Variants in BTBD9 observed in about 807,000 individuals in gnomAD.
The protein encoded by BTBD9 is BTB/POZ domain-containing protein 9.
Under a neutral mutation model 64.3 loss-of-function variants are expected in BTBD9, and 49 were observed. The observed-to-expected ratio is 0.76, with a 90% CI of 0.61 to 0.97. The LOEUF (loss-of-function observed/expected upper bound fraction) is 0.97, where lower values mean the gene tolerates loss of function less well. BTBD9 is among the 50% of genes least tolerant of loss of function. The probability of loss-of-function intolerance (pLI) is 0.00; values close to 1 mark genes in which losing one functional copy is unlikely to be tolerated. For synonymous variants in BTBD9, 260 were observed against 274.7 expected (o/e 0.95, Z 0.53); for missense variants, 598 against 762.1 (o/e 0.78, Z 2.53).
chr6:38,283,164 T>C (rs531130973), intron 8 of BTBD9, among the ~76,000 whole-genome samples: 4 of 152,358 alleles, frequency 2.6e-5, no homozygotes, highest in Non-Finnish European at 4.4e-5. Context: ...AGACAGCCAC[T>C]GACCATGCTT....
intron 6 of BTBD9, among the ~76,000 whole-genome samples, chr6:38,401,167 C>T (rs1178516867): frequency 6.6e-6 from 1 of 152,164 alleles, no homozygotes; most frequent in Non-Finnish European, 1.5e-5. Flanking sequence ...GTGACTGGGT[C>T]ATGGGGACTG....
At chr6:38,614,268 C>T (rs1405298714) in intron 1 of BTBD9, among the ~76,000 whole-genome samples, 4 of 152,120 alleles carry the variant, frequency 2.6e-5, no homozygotes, top group Admixed American at 1.3e-4. Flanking sequence ...CCCCCATCAC[C>T]GCCCCTATCA....
intron 6 of BTBD9, among the ~76,000 whole-genome samples, chr6:38,559,782 C>T (rs1237224035): frequency 6.6e-6 from 1 of 152,156 alleles, no homozygotes; most frequent in Non-Finnish European, 1.5e-5. Flanking sequence ...CACACACCAA[C>T]AACCATCTGA....
At chr6:38,367,791 A>T (rs1765236348) in intron 6 of BTBD9, among the ~76,000 whole-genome samples, 1 of 123,422 alleles carries the variant, frequency 8.1e-6, no homozygotes, top group Non-Finnish European at 1.6e-5. Flanking sequence ...GTGTTGCACC[A>T]GAAATGGCAA....
intron 6 of BTBD9, among the ~76,000 whole-genome samples, chr6:38,517,312 T>C (rs932899704): frequency 3.3e-5 from 5 of 152,208 alleles, no homozygotes; most frequent in African/African-American, 1.2e-4. Flanking sequence ...TGTTTCTGAG[T>C]AATCAAATAC....
intron 7 of BTBD9, among the ~76,000 whole-genome samples, chr6:38,302,006 A>C (rs926347594): frequency 9.2e-5 from 14 of 152,108 alleles, no homozygotes; most frequent in Non-Finnish European, 1.9e-4. Context: ...TAGTGCTATA[A>C]ATTTCCCTCT....
At chr6:38,444,892 A>C (rs1313945755) in intron 6 of BTBD9, among the ~76,000 whole-genome samples, 2 of 152,258 alleles carry the variant, frequency 1.3e-5, no homozygotes, top group Non-Finnish European at 2.9e-5. Context: ...TTATTCATAC[A>C]TAATTAGAGT....
intron 6 of BTBD9, among the ~76,000 whole-genome samples, chr6:38,417,351 C>T (rs1271182745): frequency 2.0e-5 from 3 of 152,208 alleles, no homozygotes; most frequent in Non-Finnish European, 4.4e-5. Flanking sequence ...GGGACATGCT[C>T]TAATATTGCA....
rs9380727 is a variant in BTBD9, at chr6:38,254,963, A to G, written c.1562+1446T>C. Among the ~76,000 whole-genome samples, 748 of 152,358 alleles carry G rather than the reference A, an allele frequency of 4.9e-3. 13 individuals are homozygous for G. The highest frequency in any genetic ancestry group is 0.045 in the East Asian group (231 of 5,188). On this transcript the variant is annotated intron_variant, in intron 9 of 10. Coordinates refer to ENST00000481247, the MANE Select transcript of BTBD9 (RefSeq NM_001099272.2). ...TGTTCACATAAAAACTTGTACAGGA[A>G]TGTTCATAGCAGCATTATTCATGAT...
chr6:38,317,532 T>C (rs1763070609), intron 7 of BTBD9, among the ~76,000 whole-genome samples: 1 of 152,238 alleles, frequency 6.6e-6, no homozygotes, highest in Non-Finnish European at 1.5e-5. Context: ...ACTTGAATAT[T>C]GATATTTTTC....
intron 8 of BTBD9, among the ~76,000 whole-genome samples, chr6:38,257,063 C>CTTTTTTTTT (rs745545678): frequency 9.9e-5 from 11 of 111,360 alleles, no homozygotes; most frequent in African/African-American, 3.7e-4. Context: ...TTGCACACTT[C>CTTTTTTTTT]TTTTTTTTTT....
At chr6:38,361,211 C>T (rs1764941365) in intron 6 of BTBD9, among the ~76,000 whole-genome samples, 1 of 152,110 alleles carries the variant, frequency 6.6e-6, no homozygotes, top group African/African-American at 2.4e-5. Flanking sequence ...CTATATTAGT[C>T]TGAATCATAA....
chr6:38,564,891 C>CA (rs1026514581), intron 6 of BTBD9, among the ~76,000 whole-genome samples: 21 of 150,176 alleles, frequency 1.4e-4, no homozygotes, highest in African/African-American at 4.7e-4. Context: ...GACTCTGTCT[C>CA]AAAAAAAATA....
At chr6:38,570,776 T>C (rs955500579) in intron 6 of BTBD9, among the ~76,000 whole-genome samples, 1 of 152,166 alleles carries the variant, frequency 6.6e-6, no homozygotes. Context: ...CACCAAAATA[T>C]ATACCTCTGG....
chr6:38,334,434 C>T (rs1358025098), intron 7 of BTBD9, among the ~76,000 whole-genome samples: 1 of 152,052 alleles, frequency 6.6e-6, no homozygotes, highest in Non-Finnish European at 1.5e-5. Flanking sequence ...GTGGTGCACA[C>T]CTGTAATCTC....
intron 6 of BTBD9, among the ~76,000 whole-genome samples, chr6:38,353,753 G>A (rs12055513): frequency 0.2 from 30,256 of 152,076 alleles, 4,594 homozygotes; most frequent in African/African-American, 0.4. Context: ...TAAGCTATGC[G>A]TTTCCACGAA....
intron 9 of BTBD9, among the ~76,000 whole-genome samples, chr6:38,201,358 A>G (rs1366795086): frequency 5.3e-5 from 8 of 152,238 alleles, no homozygotes; most frequent in Admixed American, 5.2e-4. Flanking sequence ...GATCATTTCA[A>G]TAGACACAGA....
chr6:38,558,063 C>T (rs997831994), intron 6 of BTBD9, among the ~76,000 whole-genome samples: 8 of 151,972 alleles, frequency 5.3e-5, no homozygotes, highest in African/African-American at 1.9e-4. Context: ...AGTTTGAGAC[C>T]AGCCTGAGCA....
chr6:38,305,275 T>C (rs1762584438), intron 7 of BTBD9, among the ~76,000 whole-genome samples: 1 of 152,196 alleles, frequency 6.6e-6, no homozygotes, highest in Non-Finnish European at 1.5e-5. Context: ...AATATGCCCA[T>C]GGTAGAAGAG....
Sources: allele counts gnomAD v4.1 joint callset (sites outside exome capture counted in the v4.1 genomes callset), GRCh38; gene constraint gnomAD v4.1.1; transcripts MANE v1.5; gene names NCBI Gene and HGNC (gene_info 2026-07-23, HGNC 2026-07-21).